Variants in KLHL6 observed in about 807,000 individuals in gnomAD.
The protein encoded by KLHL6 is kelch like family member 6, also known as kelch-like protein 6.
KLHL6 carries 41 observed loss-of-function variants against 58.6 expected under a neutral mutation model. The ratio of observed to expected loss-of-function variants is 0.70; its 90% CI spans 0.55 to 0.91. KLHL6 has a LOEUF of 0.91. Ranked by LOEUF, KLHL6 falls within the 40% of genes least tolerant of loss-of-function variation. The probability of loss-of-function intolerance (pLI) is 0.00; values close to 1 mark genes in which losing one functional copy is unlikely to be tolerated. For synonymous variants in KLHL6, 338 were observed against 322.7 expected, an observed-to-expected ratio of 1.05 and a Z score of -0.51; for missense variants, 714 against 805.6, an observed-to-expected ratio of 0.89 and a Z score of 1.38.
chr3:183,507,939 G>A (rs914299048), intron 3 of KLHL6, 120 bp downstream of exon 3: 1 of 806,832 alleles, frequency 1.2e-6, no homozygotes, highest in Admixed American at 2.7e-5. Flanking sequence ...AATGAACAGG[G>A]CAGTGTTTTC....
chr3:183,532,547 C>T (rs1712195892), intron 1 of KLHL6, among the ~76,000 whole-genome samples: 1 of 152,190 alleles, frequency 6.6e-6, no homozygotes, highest in African/African-American at 2.4e-5. Flanking sequence ...CTACAAAGTG[C>T]TGTGGAGGCC....
chr3:183,495,288 G>T (rs189523203), intron 4 of KLHL6, among the ~76,000 whole-genome samples: 13 of 152,264 alleles, frequency 8.5e-5, no homozygotes, highest in African/African-American at 2.4e-4. Context: ...CTTTTTGTTG[G>T]TGGTGGTGGT....
intron 2 of KLHL6, among the ~76,000 whole-genome samples, chr3:183,526,949 A>C (rs1484529391): frequency 6.6e-6 from 1 of 151,998 alleles, no homozygotes; most frequent in Non-Finnish European, 1.5e-5. Flanking sequence ...AAATACAAAA[A>C]TCATCTGGGC....
At chr3:183,501,114 T>C (rs1227519886) in intron 3 of KLHL6, among the ~76,000 whole-genome samples, 2 of 151,264 alleles carry the variant, frequency 1.3e-5, no homozygotes, top group Non-Finnish European at 2.9e-5. Context: ...GTCAGCAGAG[T>C]GGGGATGGGT....
intron 1 of KLHL6, among the ~76,000 whole-genome samples, chr3:183,537,681 A>C (rs1357664858): frequency 6.6e-6 from 1 of 151,908 alleles, no homozygotes; most frequent in Non-Finnish European, 1.5e-5. Context: ...CATGCCACAA[A>C]CACTGCCTGG....
At chr3:183,547,702 G>A (rs1399474525) in intron 1 of KLHL6, among the ~76,000 whole-genome samples, 3 of 152,114 alleles carry the variant, frequency 2.0e-5, no homozygotes, top group Non-Finnish European at 4.4e-5. Flanking sequence ...AATATGGACG[G>A]CCTACATTTT....
Position 183,492,713 on chromosome 3 carries a change from G to A in KLHL6, c.1351-6C>T. 6.2e-7 allele frequency: 1 copy of A among 1,612,612 alleles called. No homozygotes were observed. Among genetic ancestry groups the A allele is most frequent in the Non-Finnish European group, 8.5e-7 (1 of 1,179,940 alleles). ...TGGACAAGGAGGGGTGCGGCCTGTAGAGGCACAGGGCACAAGAAGAAGCTG... is the reference window on the plus strand; with the variant it reads ...TGGACAAGGAGGGGTGCGGCCTGTAAAGGCACAGGGCACAAGAAGAAGCTG... On this transcript the variant is annotated splice_polypyrimidine_tract_variant and splice_region_variant and intron_variant, in intron 5 of 6. Transcript: ENST00000341319. The surrounding 1 kb of genome is among the most constrained non-coding windows in gnomAD (Gnocchi z 5.9).
chr3:183,517,890 T>C (rs1711616343), intron 2 of KLHL6, among the ~76,000 whole-genome samples: 1 of 152,204 alleles, frequency 6.6e-6, no homozygotes, highest in Non-Finnish European at 1.5e-5. Context: ...TTTGTGTGTG[T>C]GTGCGTAGGG....
At chr3:183,494,034 G>T in intron 5 of KLHL6, 45 bp downstream of exon 5, 1 of 1,540,442 alleles carries the variant, frequency 6.5e-7, no homozygotes, top group Non-Finnish European at 9.0e-7. Flanking sequence ...AAAAAGCACT[G>T]AAGTAATAAT....
At chr3:183,540,796 C>T (rs1712527323) in intron 1 of KLHL6, among the ~76,000 whole-genome samples, 1 of 152,194 alleles carries the variant, frequency 6.6e-6, no homozygotes. Flanking sequence ...TGTTTTTACA[C>T]ATCTTCCACC....
At chr3:183,547,874 T>C (rs1217370672) in intron 1 of KLHL6, among the ~76,000 whole-genome samples, 2 of 152,108 alleles carry the variant, frequency 1.3e-5, no homozygotes, top group African/African-American at 4.8e-5. Context: ...AGAACAGAAA[T>C]GTGGCTAACA....
chr3:183,498,269 A>C (rs1006623877), intron 4 of KLHL6, among the ~76,000 whole-genome samples: 13 of 152,200 alleles, frequency 8.5e-5, no homozygotes, highest in Non-Finnish European at 1.3e-4. Flanking sequence ...AAACGTCTAC[A>C]AGATTAAAAG....
intron 4 of KLHL6, among the ~76,000 whole-genome samples, chr3:183,496,983 C>T (rs761033674): frequency 1.6e-4 from 24 of 148,720 alleles, no homozygotes; most frequent in Non-Finnish European, 2.5e-4. Context: ...ACTTAAAATA[C>T]AAAAAAAAAA....
intron 1 of KLHL6, among the ~76,000 whole-genome samples, chr3:183,551,075 A>G (rs182318255): frequency 0.011 from 1,680 of 149,764 alleles, 26 homozygotes; most frequent in African/African-American, 0.039. Flanking sequence ...GAGCGGAGAT[A>G]CTGCCACTGC....
At chr3:183,544,579 T>C (rs971569892) in intron 1 of KLHL6, 1 of 152,154 alleles carries the variant, frequency 6.6e-6, no homozygotes, top group Non-Finnish European at 1.5e-5. Flanking sequence ...CAGTGTTTGT[T>C]ACCCCTCTTT....
intron 2 of KLHL6, among the ~76,000 whole-genome samples, chr3:183,524,772 G>A (rs1385633477): frequency 6.6e-6 from 1 of 152,204 alleles, no homozygotes; most frequent in Non-Finnish European, 1.5e-5. Context: ...TTATTACTGG[G>A]TGGGGCGGGG....
intron 3 of KLHL6, among the ~76,000 whole-genome samples, chr3:183,503,032 A>G (rs1192124641): frequency 2.0e-5 from 3 of 152,248 alleles, no homozygotes; most frequent in Non-Finnish European, 2.9e-5. Context: ...GCCATGACAA[A>G]TGTCAATCTG....
At chr3:183,546,705 C>T (rs756204240) in intron 1 of KLHL6, among the ~76,000 whole-genome samples, 6 of 152,152 alleles carry the variant, frequency 3.9e-5, no homozygotes, top group African/African-American at 1.2e-4. Context: ...CTTATTACCA[C>T]GCATAAAGTG....
intron 1 of KLHL6, among the ~76,000 whole-genome samples, chr3:183,541,499 A>G (rs1210270966): frequency 6.6e-6 from 1 of 152,148 alleles, no homozygotes; most frequent in Non-Finnish European, 1.5e-5. Context: ...CAACCCCCAG[A>G]AAGGGGCCCC....
Sources: gnomAD v4.1 joint callset for allele counts (sites outside exome capture counted in the v4.1 genomes callset) on GRCh38, gnomAD v4.1.1 for gene constraint, Gnocchi (gnomAD v3.1) non-coding constraint, MANE v1.5 for transcripts, NCBI Gene and HGNC (gene_info 2026-07-23, HGNC 2026-07-21) for gene names.